LRRTM4: variants seen among roughly 807,000 people sequenced by gnomAD.
LRRTM4 encodes leucine-rich repeat transmembrane neuronal protein 4.
Under a neutral mutation model 47.6 loss-of-function variants are expected in LRRTM4, and 25 were observed. That is an observed-to-expected ratio of 0.53 (90% CI 0.38 to 0.73). The LOEUF (loss-of-function observed/expected upper bound fraction) is 0.73, where lower values mean the gene tolerates loss of function less well. Among genes scored for constraint, LRRTM4 ranks in the 30% least tolerant of loss-of-function variants. The pLI, the probability that LRRTM4 is intolerant of heterozygous loss-of-function variation, is 0.00. For missense variants in LRRTM4, 638 were observed against 713.4 expected, an observed-to-expected ratio of 0.89 and a Z score of 1.20; for synonymous variants, 311 against 269.5, an observed-to-expected ratio of 1.15 and a Z score of -1.51.
At chr2:77,395,284 AG>A (rs889427587) in intron 3 of LRRTM4, among the ~76,000 whole-genome samples, 9 of 151,970 alleles carry the variant, frequency 5.9e-5, no homozygotes, top group Admixed American at 4.6e-4. Context: ...CTTAGCCAAA[AG>A]GGAGTCTGTT....
chr2:77,076,312 G>A (rs186337819), intron 3 of LRRTM4, among the ~76,000 whole-genome samples: 163 of 152,144 alleles, frequency 1.1e-3, no homozygotes, highest in African/African-American at 3.9e-3. Flanking sequence ...TTTTTCACAG[G>A]CTGCAATGTA....
chr2:77,436,689 TAAAG>T (rs901850472), intron 3 of LRRTM4, among the ~76,000 whole-genome samples: 1 of 151,750 alleles, frequency 6.6e-6, no homozygotes, highest in African/African-American at 2.4e-5. Flanking sequence ...TATATTAAAA[TAAAG>T]AAAAAGGAAG....
chr2:76,796,705 C>T lies in LRRTM4; in HGVS notation c.1552-47789G>A, dbSNP rs199704689. On this transcript the variant is annotated intron_variant, in intron 3 of 3. Transcript: ENST00000409884. ...CAAAAGTAGATAAAAACCACAAAGA[C>T]AGGGAAAAAACAGAACAGAAAAACT... Among the ~76,000 whole-genome samples the T allele has an allele frequency of 5.9e-4, 79 of 134,192 alleles. No homozygotes were observed. The East Asian group carries it at 0.018, about 30-fold the overall frequency. 88.0% of individuals were successfully genotyped at this position (134,192 alleles called of 152,430 possible).
chr2:77,202,122 G>T (rs17013819), intron 3 of LRRTM4, among the ~76,000 whole-genome samples: 2,172 of 152,220 alleles, frequency 0.014, 14 homozygotes, highest in Non-Finnish European at 0.024. Flanking sequence ...CAGGAATGTT[G>T]TCAGTAACAG....
chr2:76,804,862 A>AT (rs1393516913), intron 3 of LRRTM4, among the ~76,000 whole-genome samples: 1 of 150,704 alleles, frequency 6.6e-6, no homozygotes, highest in African/African-American at 2.4e-5. Context: ...TTGTTAATAG[A>AT]TTTTTTTAAA....
At chr2:76,939,494 G>T (rs921464627) in intron 3 of LRRTM4, among the ~76,000 whole-genome samples, 1 of 151,700 alleles carries the variant, frequency 6.6e-6, no homozygotes, top group Non-Finnish European at 1.5e-5. Flanking sequence ...TTAAAGGAAT[G>T]CAATTCCTGG....
At chr2:77,030,409 G>T (rs775184239) in intron 3 of LRRTM4, among the ~76,000 whole-genome samples, 1 of 152,136 alleles carries the variant, frequency 6.6e-6, no homozygotes, top group African/African-American at 2.4e-5. Flanking sequence ...CTCCAGCCTG[G>T]GTTACAGAGC....
At chr2:76,846,491 A>C (rs1416128838) in intron 3 of LRRTM4, among the ~76,000 whole-genome samples, 1 of 152,156 alleles carries the variant, frequency 6.6e-6, no homozygotes, top group Non-Finnish European at 1.5e-5. Context: ...GTACATTCTA[A>C]CATCTGTTAG....
chr2:77,072,928 TAAGACAGAAG>T (rs1203070419), intron 3 of LRRTM4, among the ~76,000 whole-genome samples: 1 of 152,186 alleles, frequency 6.6e-6, no homozygotes, highest in Non-Finnish European at 1.5e-5. Context: ...GATGGTTTGT[TAAGACAGAAG>T]AAGCATAAAT....
intron 3 of LRRTM4, among the ~76,000 whole-genome samples, chr2:76,862,324 A>T (rs1471567418): frequency 6.6e-6 from 1 of 152,144 alleles, no homozygotes; most frequent in Non-Finnish European, 1.5e-5. Context: ...TTAAATGGCA[A>T]TTCACAGCAT....
At chr2:76,795,398 T>C (rs1675226580) in intron 3 of LRRTM4, among the ~76,000 whole-genome samples, 1 of 152,174 alleles carries the variant, frequency 6.6e-6, no homozygotes. Flanking sequence ...AAAAAGTCTA[T>C]ACTGAACATG....
At chr2:77,075,586 A>T (rs1020134344) in intron 3 of LRRTM4, among the ~76,000 whole-genome samples, 3 of 152,158 alleles carry the variant, frequency 2.0e-5, no homozygotes, top group Non-Finnish European at 2.9e-5. Context: ...AAATATGATG[A>T]TAAAAATCAA....
At chr2:76,974,510 T>C (rs1226065835) in intron 3 of LRRTM4, among the ~76,000 whole-genome samples, 2 of 142,234 alleles carry the variant, frequency 1.4e-5, no homozygotes, top group Non-Finnish European at 3.0e-5. Context: ...AATAAAACAG[T>C]ACCATTGTGA....
At chr2:77,368,778 G>A (rs192634) in intron 3 of LRRTM4, among the ~76,000 whole-genome samples, 112,842 of 151,660 alleles carry the variant, frequency 0.74, 43,152 homozygotes, top group East Asian at 0.98. Flanking sequence ...CGTATCGGCT[G>A]TAGTGAATAA....
At chr2:76,951,189 A>C (rs1675481372) in intron 3 of LRRTM4, among the ~76,000 whole-genome samples, 1 of 152,104 alleles carries the variant, frequency 6.6e-6, no homozygotes, top group South Asian at 2.1e-4. Context: ...TATAAGCATC[A>C]AGGAACAATA....
chr2:77,329,062 CAG>C (rs1439549500), intron 3 of LRRTM4, among the ~76,000 whole-genome samples: 1 of 152,136 alleles, frequency 6.6e-6, no homozygotes, highest in African/African-American at 2.4e-5. Flanking sequence ...TTGATATCAA[CAG>C]AGTCTCCTGA....
chr2:77,041,327 T>C (rs1395380910), intron 3 of LRRTM4, among the ~76,000 whole-genome samples: 1 of 151,612 alleles, frequency 6.6e-6, no homozygotes, highest in East Asian at 1.9e-4. Flanking sequence ...CATTTGTTGA[T>C]TGATAGACAC....
intron 3 of LRRTM4, among the ~76,000 whole-genome samples, chr2:77,350,853 TCAC>T (rs1473193352): frequency 1.3e-5 from 2 of 152,186 alleles, no homozygotes; most frequent in Admixed American, 1.3e-4. Flanking sequence ...ATAAAAGACT[TCAC>T]TGTAGTGAAA....
At chr2:77,504,378 T>G (rs944557353) in intron 3 of LRRTM4, among the ~76,000 whole-genome samples, 1 of 151,524 alleles carries the variant, frequency 6.6e-6, no homozygotes, top group South Asian at 2.1e-4. Flanking sequence ...TGCCCTCTGA[T>G]CCAGATAAAA....
Sources: gnomAD v4.1 joint callset for allele counts (sites outside exome capture counted in the v4.1 genomes callset) on GRCh38, gnomAD v4.1.1 for gene constraint, MANE v1.5 for transcripts, NCBI Gene and HGNC (gene_info 2026-07-23, HGNC 2026-07-21) for gene names.